The following MSRA variants were observed in gnomAD, a reference collection of about 807,000 sequenced individuals.
The protein encoded by MSRA is methionine sulfoxide reductase A.
A neutral mutation model predicts 31.3 loss-of-function variants in MSRA; 54 were observed. That is an observed-to-expected ratio of 1.73 (90% CI 1.39 to 2.17). The LOEUF (loss-of-function observed/expected upper bound fraction) is 2.17. MSRA is among the 30% of genes most tolerant of loss of function. MSRA has a pLI of 0.00. For missense variants in MSRA, 507 were observed against 300.9 expected, an observed-to-expected ratio of 1.69 and a Z score of -5.07; for synonymous variants, 169 against 116.5, an observed-to-expected ratio of 1.45 and a Z score of -2.90.
At chr8:10,389,613 C>T (rs1041618844) in intron 5 of MSRA, among the ~76,000 whole-genome samples, 32 of 152,320 alleles carry the variant, frequency 2.1e-4, no homozygotes, top group African/African-American at 7.7e-4. Context: ...TGCCCACCCA[C>T]CGGGGAGCAG....
intron 5 of MSRA, among the ~76,000 whole-genome samples, chr8:10,381,411 A>G (rs183152843): frequency 4.4e-4 from 67 of 152,328 alleles, no homozygotes; most frequent in African/African-American, 1.4e-3. Flanking sequence ...CAGAAAGGAC[A>G]TGTCCTGAAG....
intron 2 of MSRA, among the ~76,000 whole-genome samples, chr8:10,236,808 A>C (rs1444107695): frequency 6.6e-6 from 1 of 152,180 alleles, no homozygotes; most frequent in Non-Finnish European, 1.5e-5. Flanking sequence ...GGCCTTCCAG[A>C]ATGCTGAGAT....
chr8:10,135,611 T>C (rs1802216880), intron 1 of MSRA, among the ~76,000 whole-genome samples: 1 of 152,220 alleles, frequency 6.6e-6, no homozygotes, highest in African/African-American at 2.4e-5. Flanking sequence ...ATCCCAAGCA[T>C]ATAACATGCA....
intron 4 of MSRA, among the ~76,000 whole-genome samples, chr8:10,318,824 C>T (rs768543946): frequency 3.3e-5 from 5 of 152,172 alleles, no homozygotes; most frequent in Non-Finnish European, 7.3e-5. Flanking sequence ...GTACCATGCT[C>T]ATCCTCTTGA....
intron 4 of MSRA, among the ~76,000 whole-genome samples, chr8:10,306,333 G>C (rs773386526): frequency 1.3e-5 from 2 of 152,152 alleles, no homozygotes; most frequent in African/African-American, 2.4e-5. Flanking sequence ...AAATGGTATA[G>C]GTGCCATGCC....
At chr8:10,387,469 G>A (rs1223521281) in intron 5 of MSRA, among the ~76,000 whole-genome samples, 1 of 152,202 alleles carries the variant, frequency 6.6e-6, no homozygotes, top group African/African-American at 2.4e-5. Context: ...GGGAGTTGAG[G>A]CTTAAAGACC....
At position 10,113,289 on chromosome 8, in the gene MSRA, C is replaced by CTTTTT. The variant is rs1467440154; in HGVS notation, c.142+58633_142+58634insTTTTT. Among the ~76,000 whole-genome samples, 252 of 50,794 alleles carry CTTTTT rather than the reference C, an allele frequency of 5.0e-3. 37 individuals are homozygous for CTTTTT. Among genetic ancestry groups the CTTTTT allele is most frequent in the African/African-American group, 0.021 (187 of 8,984 alleles). The allele number at this position is 50,794 out of a possible 152,430, so 33.3% of individuals were successfully genotyped here. ...AGGCATGGCTTTGGTGAAGACAGGT[C>CTTTTT]TTCTTTTTTTTTTTTTTTTTTTTTT... On this transcript the variant is annotated intron_variant, in intron 1 of 5. Transcript: ENST00000317173.
intron 2 of MSRA, among the ~76,000 whole-genome samples, chr8:10,222,703 G>A (rs528122542): frequency 5.9e-5 from 9 of 152,298 alleles, no homozygotes; most frequent in African/African-American, 1.7e-4. Context: ...GATTAACCTG[G>A]AGAACATTAT....
At chr8:10,248,883 G>A (rs1797769923) in intron 3 of MSRA, among the ~76,000 whole-genome samples, 1 of 152,230 alleles carries the variant, frequency 6.6e-6, no homozygotes, top group African/African-American at 2.4e-5. Flanking sequence ...CCCATTGAGA[G>A]TGGCAGTATA....
intron 2 of MSRA, among the ~76,000 whole-genome samples, chr8:10,234,474 TCCAAA>T (rs966280758): frequency 2.6e-5 from 4 of 151,622 alleles, no homozygotes; most frequent in African/African-American, 7.3e-5. Flanking sequence ...TCGTTTTGCC[TCCAAA>T]TTGGCCAAGG....
chr8:10,103,499 A>C (rs1239457585), intron 1 of MSRA, among the ~76,000 whole-genome samples: 1 of 152,198 alleles, frequency 6.6e-6, no homozygotes, highest in Non-Finnish European at 1.5e-5. Context: ...CTATAAGTGA[A>C]GTGGCTGTCA....
In MSRA at chr8:10,395,488, A is replaced by G. The variant is rs537029554; in HGVS notation, c.544-32660A>G. ...CTGTATTTTTGAGCAGGAGAATGAC[A>G]TGGCCACAGATGTATTTTAGAAAAA... On this transcript the variant is annotated intron_variant, in intron 5 of 5. Coordinates refer to ENST00000317173, the MANE Select transcript of MSRA (RefSeq NM_012331.5). Among the ~76,000 whole-genome samples the G allele has an allele frequency of 3.3e-5, 5 of 152,268 alleles. No individual in the cohort carries two copies. In the South Asian group the frequency reaches 8.3e-4, roughly 25 times the overall value.
At chr8:10,075,717 C>G (rs1364452277) in intron 1 of MSRA, among the ~76,000 whole-genome samples, 1 of 152,174 alleles carries the variant, frequency 6.6e-6, no homozygotes, top group Admixed American at 6.5e-5. Flanking sequence ...ACAAAGAACT[C>G]TCGTAAGGTG....
At chr8:10,382,287 C>G (rs1432383418) in intron 5 of MSRA, among the ~76,000 whole-genome samples, 9 of 152,178 alleles carry the variant, frequency 5.9e-5, no homozygotes, top group Admixed American at 3.3e-4. Flanking sequence ...GAAGATGGCC[C>G]TGCCCTCAGA....
At chr8:10,397,584 G>C (rs1175902499) in intron 5 of MSRA, among the ~76,000 whole-genome samples, 17 of 152,184 alleles carry the variant, frequency 1.1e-4, no homozygotes, top group Admixed American at 1.1e-3. Flanking sequence ...TCTTTCATTG[G>C]TCTTCATCCA....
intron 4 of MSRA, among the ~76,000 whole-genome samples, chr8:10,314,417 T>C (rs1467298599): frequency 2.0e-5 from 3 of 151,974 alleles, no homozygotes; most frequent in Non-Finnish European, 4.4e-5. Flanking sequence ...ACGTTATTAA[T>C]CAGGAAAATG....
At chr8:10,353,581 C>T in intron 5 of MSRA, 1 of 456,094 alleles carries the variant, frequency 2.2e-6, no homozygotes, top group South Asian at 1.5e-5. Flanking sequence ...TGGGTAGCCT[C>T]TGTACCGTCT....
chr8:10,149,538 G>A (rs1461512772), intron 1 of MSRA, among the ~76,000 whole-genome samples: 9 of 152,116 alleles, frequency 5.9e-5, no homozygotes, highest in African/African-American at 1.2e-4. Context: ...TCGCCACCTC[G>A]TGATACTTGC....
chr8:10,273,561 A>T (rs2129102049), intron 3 of MSRA, among the ~76,000 whole-genome samples: 1 of 152,330 alleles, frequency 6.6e-6, no homozygotes, highest in East Asian at 1.9e-4. Context: ...TAATCATGAG[A>T]ACAGTGATAA....
Sources: gnomAD v4.1 joint callset for allele counts (sites outside exome capture counted in the v4.1 genomes callset) on GRCh38, gnomAD v4.1.1 for gene constraint, MANE v1.5 for transcripts, NCBI Gene and HGNC (gene_info 2026-07-23, HGNC 2026-07-21) for gene names.